The following LRRTM4 variants were observed in gnomAD, a reference collection of about 807,000 sequenced individuals.
LRRTM4 encodes leucine-rich repeat transmembrane neuronal protein 4.
A neutral mutation model predicts 47.6 loss-of-function variants in LRRTM4; 25 were observed. The observed-to-expected ratio is 0.53, with a 90% CI of 0.38 to 0.73. The LOEUF is 0.73. LRRTM4 is among the 30% of genes least tolerant of loss of function. The pLI, the probability that LRRTM4 is intolerant of heterozygous loss-of-function variation, is 0.00. For missense variants in LRRTM4, 638 were observed against 713.4 expected, an observed-to-expected ratio of 0.89 and a Z score of 1.20; for synonymous variants, 311 against 269.5, an observed-to-expected ratio of 1.15 and a Z score of -1.51.
intron 3 of LRRTM4, among the ~76,000 whole-genome samples, chr2:76,827,782 G>A (rs1475173206): frequency 1.3e-5 from 2 of 151,748 alleles, no homozygotes; most frequent in Admixed American, 6.6e-5. Flanking sequence ...ACGTGCTTAT[G>A]GTTGTTTTCC....
chr2:77,368,849 C>T (rs1020906157), intron 3 of LRRTM4, among the ~76,000 whole-genome samples: 6 of 151,710 alleles, frequency 4.0e-5, no homozygotes, highest in Middle Eastern at 3.4e-3. Flanking sequence ...TTTCCTTTGG[C>T]GATATATGCA....
intron 3 of LRRTM4, among the ~76,000 whole-genome samples, chr2:77,303,176 C>T (rs989280076): frequency 6.6e-6 from 1 of 152,068 alleles, no homozygotes; most frequent in South Asian, 2.1e-4. Flanking sequence ...CTGCTTAAAA[C>T]CCGGTGTCTC....
chr2:76,936,727 G>A (rs1301841864), intron 3 of LRRTM4, among the ~76,000 whole-genome samples: 2 of 151,442 alleles, frequency 1.3e-5, no homozygotes, highest in Non-Finnish European at 2.9e-5. Flanking sequence ...GGCCAAGGCA[G>A]GTGGATCACC....
intron 3 of LRRTM4, among the ~76,000 whole-genome samples, chr2:76,921,046 T>C (rs937317235): frequency 1.3e-5 from 2 of 152,078 alleles, no homozygotes; most frequent in Non-Finnish European, 2.9e-5. Flanking sequence ...TGGTACATTA[T>C]TATGAACTTA....
intron 3 of LRRTM4, among the ~76,000 whole-genome samples, chr2:77,261,362 A>G (rs10200694): frequency 0.12 from 18,686 of 152,012 alleles, 3,853 homozygotes; most frequent in African/African-American, 0.42. Context: ...GTGGCATTAG[A>G]CATTTCTGGA....
At chr2:77,032,566 G>A (rs1223295442) in intron 3 of LRRTM4, among the ~76,000 whole-genome samples, 1 of 151,816 alleles carries the variant, frequency 6.6e-6, no homozygotes. Flanking sequence ...TTGAATAGAT[G>A]AAAAAAAGCT....
chr2:77,215,485 T>C (rs576356684), intron 3 of LRRTM4, among the ~76,000 whole-genome samples: 37 of 152,352 alleles, frequency 2.4e-4, no homozygotes, highest in Admixed American at 1.8e-3. Flanking sequence ...AGTCTAACAC[T>C]GTATCTTTAA....
At chr2:77,132,547 G>C (rs1671829563) in intron 3 of LRRTM4, among the ~76,000 whole-genome samples, 1 of 152,132 alleles carries the variant, frequency 6.6e-6, no homozygotes, top group Non-Finnish European at 1.5e-5. Context: ...CAAAAAGCTA[G>C]CAGGTTCAGT....
intron 3 of LRRTM4, among the ~76,000 whole-genome samples, chr2:76,807,517 A>G (rs1275390568): frequency 7.0e-6 from 1 of 142,978 alleles, no homozygotes; most frequent in Non-Finnish European, 1.5e-5. Flanking sequence ...AAGTTATACA[A>G]TTAAATCAAC....
intron 3 of LRRTM4, among the ~76,000 whole-genome samples, chr2:76,789,550 C>G (rs1176082743): frequency 1.3e-5 from 2 of 152,156 alleles, no homozygotes; most frequent in Non-Finnish European, 2.9e-5. Context: ...TCCTGTGGCA[C>G]CAGCCACATA....
At chr2:77,086,418 A>G (rs72807236) in intron 3 of LRRTM4, among the ~76,000 whole-genome samples, 41 of 129,586 alleles carry the variant, frequency 3.2e-4, no homozygotes, top group African/African-American at 7.9e-4. Flanking sequence ...TAGTGTGTGT[A>G]TGTGTGTGTA....
intron 3 of LRRTM4, among the ~76,000 whole-genome samples, chr2:77,481,768 C>T (rs1252984579): frequency 6.6e-6 from 1 of 152,102 alleles, no homozygotes; most frequent in Non-Finnish European, 1.5e-5. Context: ...AATAGAAAGT[C>T]CTTTTTCCAA....
intron 3 of LRRTM4, among the ~76,000 whole-genome samples, chr2:77,189,402 T>C (rs1201221731): frequency 6.6e-6 from 1 of 152,192 alleles, no homozygotes; most frequent in Admixed American, 6.5e-5. Context: ...AAGGTTTGTG[T>C]CCCTCTAAAC....
chr2:76,828,986 G>C (rs182652527), intron 3 of LRRTM4, among the ~76,000 whole-genome samples: 2 of 151,900 alleles, frequency 1.3e-5, no homozygotes, highest in African/African-American at 4.8e-5. Flanking sequence ...CATCTGCTTT[G>C]AGTAGCCTAG....
intron 3 of LRRTM4, among the ~76,000 whole-genome samples, chr2:77,355,368 T>C (rs1174640643): frequency 6.6e-6 from 1 of 152,192 alleles, no homozygotes; most frequent in Non-Finnish European, 1.5e-5. Context: ...TTGCTTTCTG[T>C]ATCCAGAAGC....
intron 3 of LRRTM4, among the ~76,000 whole-genome samples, chr2:76,971,810 C>T (rs1676229258): frequency 1.3e-5 from 2 of 151,904 alleles, no homozygotes; most frequent in South Asian, 4.2e-4. Context: ...CAACACCCTC[C>T]CACCCTATAT....
At chr2:77,455,312 T>A (rs373088101) in intron 3 of LRRTM4, among the ~76,000 whole-genome samples, 1 of 152,202 alleles carries the variant, frequency 6.6e-6, no homozygotes, top group Non-Finnish European at 1.5e-5. Flanking sequence ...TTTATACTAA[T>A]TTGTAAGAGT....
At chr2:76,969,426 C>A (rs1676145055) in intron 3 of LRRTM4, among the ~76,000 whole-genome samples, 1 of 151,790 alleles carries the variant, frequency 6.6e-6, no homozygotes, top group Admixed American at 6.6e-5. Context: ...AAAAATTCCT[C>A]CAAGAAATAC....
chr2:77,520,013 T>G, intron 2 of LRRTM4, 149 bp from the exon 3 acceptor site: 1 of 1,331,592 alleles, frequency 7.5e-7, no homozygotes, highest in Non-Finnish European at 9.9e-7. Context: ...CATTATTTTC[T>G]TCAGTGTTGC....
Sources: allele counts gnomAD v4.1 joint callset (sites outside exome capture counted in the v4.1 genomes callset), GRCh38; gene constraint gnomAD v4.1.1; transcripts MANE v1.5; gene names NCBI Gene and HGNC (gene_info 2026-07-23, HGNC 2026-07-21).